The following SLCO6A1 variants were observed in gnomAD, a reference collection of about 807,000 sequenced individuals.
SLCO6A1 encodes solute carrier organic anion transporter family member 6A1.
In SLCO6A1, 65 loss-of-function variants were observed where a neutral mutation model predicts 72.7. The ratio of observed to expected loss-of-function variants is 0.89; its 90% CI spans 0.73 to 1.10. SLCO6A1 has a LOEUF of 1.10. SLCO6A1 is among the 50% of genes least tolerant of loss of function. SLCO6A1 has a pLI of 0.00. For synonymous variants in SLCO6A1, 314 were observed against 298.2 expected, an observed-to-expected ratio of 1.05 and a Z score of -0.55; for missense variants, 874 against 872.6, an observed-to-expected ratio of 1.00 and a Z score of -0.02.
intron 4 of SLCO6A1, among the ~76,000 whole-genome samples, chr5:102,464,747 A>G (rs1751224778): frequency 6.6e-6 from 1 of 152,198 alleles, no homozygotes; most frequent in Admixed American, 6.5e-5. Context: ...TCAGGAAAGG[A>G]AAGGAAAGAA....
chr5:102,379,814 T>C (rs1250251376), intron 12 of SLCO6A1, among the ~76,000 whole-genome samples: 1 of 151,794 alleles, frequency 6.6e-6, no homozygotes, highest in Non-Finnish European at 1.5e-5. Context: ...TAATTTGTGA[T>C]CACATGCTGT....
intron 7 of SLCO6A1, among the ~76,000 whole-genome samples, chr5:102,435,747 T>C (rs1363856584): frequency 6.6e-6 from 1 of 151,962 alleles, no homozygotes; most frequent in Non-Finnish European, 1.5e-5. Flanking sequence ...TGGTGGTGCA[T>C]GCCTATAATC....
intron 12 of SLCO6A1, among the ~76,000 whole-genome samples, chr5:102,375,077 T>G (rs1029106375): frequency 6.6e-6 from 1 of 152,138 alleles, no homozygotes; most frequent in African/African-American, 2.4e-5. Flanking sequence ...ACCTTTACTC[T>G]GGCAAAAGAT....
chr5:102,468,746 G>T (rs1751438536), intron 4 of SLCO6A1, among the ~76,000 whole-genome samples: 1 of 151,728 alleles, frequency 6.6e-6, no homozygotes, highest in South Asian at 2.1e-4. Flanking sequence ...TGAGTCTCTT[G>T]AAGACAGCAG....
At chr5:102,411,835 G>A (rs1028264453) in intron 9 of SLCO6A1, among the ~76,000 whole-genome samples, 1 of 152,116 alleles carries the variant, frequency 6.6e-6, no homozygotes, top group African/African-American at 2.4e-5. Flanking sequence ...TTGTGGGGGG[G>A]AAATGTGCAT....
intron 9 of SLCO6A1, among the ~76,000 whole-genome samples, chr5:102,400,411 T>A (rs912484568): frequency 2.0e-5 from 3 of 152,028 alleles, no homozygotes; most frequent in Admixed American, 1.3e-4. Context: ...TTATTAATTT[T>A]TTAGTGAAGA....
In SLCO6A1 at chr5:102,373,493, A is replaced by G; in HGVS notation, c.2019T>C (p.Cys673=). Residue 673 remains cysteine, a splice_region_variant and synonymous_variant, in exon 13 of 14, where the codon TGT becomes TGC. Coordinates refer to ENST00000506729, the MANE Select transcript of SLCO6A1 (RefSeq NM_173488.5). ...TGATAGTGCATAGTTTGCAAAGAAAACCTAAATTTAAAAAATGCAATGATC... is the reference window on the plus strand; with the variant it reads ...TGATAGTGCATAGTTTGCAAAGAAAGCCTAAATTTAAAAAATGCAATGATC... ...TKMAFLLVGI[C]FLCKLCTIIF... 6.9e-7 allele frequency: 1 copy of G among 1,454,548 alleles called. No homozygotes were observed. The highest frequency in any genetic ancestry group is 9.1e-7 in the Non-Finnish European group (1 of 1,101,210). The allele number at this position is 1,454,548 out of a possible 1,614,324, so 90.1% of individuals were successfully genotyped here. A position where few individuals can be genotyped will look rare whatever the true frequency, so the allele number is the denominator to read the frequency against.
chr5:102,430,662 T>G (rs1371705863), intron 7 of SLCO6A1, among the ~76,000 whole-genome samples: 1 of 152,204 alleles, frequency 6.6e-6, no homozygotes, highest in Non-Finnish European at 1.5e-5. Context: ...TTGATCATGG[T>G]GGATTAGCTT....
intron 12 of SLCO6A1, among the ~76,000 whole-genome samples, chr5:102,376,779 C>T (rs978740667): frequency 6.6e-5 from 10 of 152,108 alleles, no homozygotes; most frequent in Admixed American, 1.3e-4. Context: ...TCATAAGAGA[C>T]GTTTCAATGA....
chr5:102,390,881 TCA>T, intron 11 of SLCO6A1, 98 bp downstream of exon 11: 1 of 1,013,352 alleles, frequency 9.9e-7, no homozygotes, highest in South Asian at 1.6e-5. Flanking sequence ...TCGCTTTGTG[TCA>T]TTTACTATTA....
In SLCO6A1 at chr5:102,459,235, C is replaced by G. The variant is rs1750897201; in HGVS notation, c.1021+421G>C. On this transcript the variant is annotated intron_variant, in intron 5 of 13. Transcript: ENST00000506729. ...GACTAGCCTGCACAACATAGCAAGA[C>G]TCCATCTCTAGAACAAAAAGGAAAA... is the stretch of plus-strand genomic sequence containing the variant. 2.0e-5 allele frequency among the ~76,000 whole-genome samples: 3 copies of G among 152,168 alleles called. 1 individual carries two copies. In the South Asian group the frequency reaches 6.2e-4, roughly 32 times the overall value.
chr5:102,410,691 G>T (rs929993275), intron 9 of SLCO6A1, among the ~76,000 whole-genome samples: 1 of 152,104 alleles, frequency 6.6e-6, no homozygotes, highest in Non-Finnish European at 1.5e-5. Flanking sequence ...AGAAATAAGG[G>T]ATTCTGATGG....
At chr5:102,454,560 G>A (rs1750600423) in intron 6 of SLCO6A1, among the ~76,000 whole-genome samples, 2 of 152,048 alleles carry the variant, frequency 1.3e-5, no homozygotes. Flanking sequence ...ATGTTAGTCA[G>A]AAGTCTAAGA....
At chr5:102,373,606 A>G (rs1169880856) in intron 12 of SLCO6A1, 112 bp from the exon 13 acceptor site, 2 of 655,324 alleles carry the variant, frequency 3.1e-6, no homozygotes, top group East Asian at 6.6e-5. Context: ...TAAAGGTATA[A>G]ATTTCCCAAT....
chr5:102,427,579 G>C (rs1288603155), intron 7 of SLCO6A1, among the ~76,000 whole-genome samples: 1 of 151,956 alleles, frequency 6.6e-6, no homozygotes, highest in Non-Finnish European at 1.5e-5. Flanking sequence ...AGGAAAGACT[G>C]AGAAATTGTC....
intron 7 of SLCO6A1, among the ~76,000 whole-genome samples, chr5:102,436,590 A>G (rs2112672815): frequency 6.6e-6 from 1 of 152,338 alleles, no homozygotes; most frequent in Middle Eastern, 3.4e-3. Context: ...GAAGCTGATA[A>G]GCAAGCTGTG....
intron 1 of SLCO6A1, among the ~76,000 whole-genome samples, chr5:102,483,926 C>T (rs980383342): frequency 5.9e-5 from 9 of 152,058 alleles, no homozygotes; most frequent in African/African-American, 1.9e-4. Flanking sequence ...GCAATTCTGC[C>T]GCCTGTGAGT....
At chr5:102,488,701 G>GT (rs1752546390) in intron 1 of SLCO6A1, among the ~76,000 whole-genome samples, 1 of 152,182 alleles carries the variant, frequency 6.6e-6, no homozygotes, top group Non-Finnish European at 1.5e-5. Context: ...AAGCAATAAT[G>GT]TTGTTACTAC....
intron 8 of SLCO6A1, among the ~76,000 whole-genome samples, chr5:102,418,400 A>G (rs1748410444): frequency 6.6e-6 from 1 of 152,112 alleles, no homozygotes; most frequent in African/African-American, 2.4e-5. Context: ...AATTTTGGCC[A>G]TAATATCTTG....
Sources: allele counts gnomAD v4.1 joint callset (sites outside exome capture counted in the v4.1 genomes callset), GRCh38; gene constraint gnomAD v4.1.1; transcripts MANE v1.5; gene names NCBI Gene and HGNC (gene_info 2026-07-23, HGNC 2026-07-21).